Variants in VCL observed in about 807,000 individuals in gnomAD.
The protein encoded by VCL is vinculin, also known as epididymis luminal protein 114.
A neutral mutation model predicts 125.7 loss-of-function variants in VCL; 47 were observed. The ratio of observed to expected loss-of-function variants is 0.37; its 90% CI spans 0.30 to 0.48. The LOEUF is 0.48. Among genes scored for constraint, VCL ranks in the 20% least tolerant of loss-of-function variants. VCL has a pLI of 0.99. For synonymous variants in VCL, 458 were observed against 514.6 expected, an observed-to-expected ratio of 0.89 and a Z score of 1.49; for missense variants, 1,069 against 1,455.5, an observed-to-expected ratio of 0.73 and a Z score of 4.32.
At chr10:74,083,624 A>G in intron 8 of VCL, 111 bp downstream of exon 8, 6 of 1,321,044 alleles carry the variant, frequency 4.5e-6, no homozygotes, top group African/African-American at 1.5e-5. Flanking sequence ...CTAGTAGATA[A>G]CAGAGATATT....
intron 19 of VCL, among the ~76,000 whole-genome samples, chr10:74,113,578 CTTT>C (rs5786134): frequency 6.8e-6 from 1 of 146,868 alleles, no homozygotes; most frequent in Non-Finnish European, 1.5e-5. Context: ...CAGAAAATAT[CTTT>C]TTTTTTTTTT....
At position 74,042,793 on chromosome 10, in the gene VCL, A is replaced by G. The variant is rs144295868; in HGVS notation, c.169-290A>G. The stretch of plus-strand genomic sequence containing the variant: ...TTTTGGCTTAAATACACACACTTAT[A>G]TTCTCAATGATGAATTTCTCCTATT... On this transcript the variant is annotated intron_variant, in intron 1 of 21. Transcript: ENST00000211998. 0.011 allele frequency among the ~76,000 whole-genome samples: 1,671 copies of G among 152,296 alleles called. 8 individuals carry two copies. The highest frequency in any genetic ancestry group is 0.017 in the Middle Eastern group (5 of 294).
chr10:74,066,169 C>T (rs544128678), intron 2 of VCL, among the ~76,000 whole-genome samples: 1 of 134,710 alleles, frequency 7.4e-6, no homozygotes, highest in Non-Finnish European at 1.5e-5. Flanking sequence ...AAGTAATTCT[C>T]CTGCCTCAGC....
At position 74,079,892 on chromosome 10, in the gene VCL, C is replaced by T. The variant is rs74530078; in HGVS notation, c.784-2562C>T. Among the ~76,000 whole-genome samples the T allele has an allele frequency of 3.4e-4, 52 of 152,160 alleles. No individual in the cohort carries two copies. The East Asian group carries it at 7.5e-3, about 22-fold the overall frequency. ...AAAATTTTGGTAACTTATTGAAAGTCGCAGTTATTAAATGCAGCTTCATTC... is the reference window on the plus strand; with the variant it reads ...AAAATTTTGGTAACTTATTGAAAGTTGCAGTTATTAAATGCAGCTTCATTC... On this transcript the variant is annotated intron_variant, in intron 6 of 21. Coordinates refer to ENST00000211998, the MANE Select transcript of VCL (RefSeq NM_014000.3).
At chr10:74,002,649 C>T (rs1318233176) in intron 1 of VCL, among the ~76,000 whole-genome samples, 4 of 150,888 alleles carry the variant, frequency 2.7e-5, no homozygotes, top group East Asian at 3.9e-4. Flanking sequence ...TTTGGGAGGC[C>T]GAGGCGGGCT....
intron 2 of VCL, among the ~76,000 whole-genome samples, chr10:74,068,291 C>G (rs1841606084): frequency 6.6e-6 from 1 of 152,090 alleles, no homozygotes; most frequent in African/African-American, 2.4e-5. Flanking sequence ...TAGGAGGAGG[C>G]TCTTTATGTA....
At chr10:74,021,101 C>T (rs1176266024) in intron 1 of VCL, among the ~76,000 whole-genome samples, 1 of 152,060 alleles carries the variant, frequency 6.6e-6, no homozygotes, top group Non-Finnish European at 1.5e-5. Flanking sequence ...GTACTCTTCC[C>T]ACTGCCTGGA....
intron 2 of VCL, among the ~76,000 whole-genome samples, chr10:74,066,654 G>C (rs529291732): frequency 4.1e-5 from 6 of 147,698 alleles, no homozygotes; most frequent in Middle Eastern, 6.8e-3. Flanking sequence ...TAAAGTACCT[G>C]GTACTATTTT....
intron 1 of VCL, 81 bp downstream of exon 1, chr10:73,998,456 C>T (rs1247469724): frequency 3.9e-6 from 5 of 1,273,298 alleles, no homozygotes; most frequent in Non-Finnish European, 5.0e-6. Context: ...TGCCTGTGGC[C>T]GGCTCGCTGG....
chr10:74,051,022 C>T (rs190459096), intron 2 of VCL, among the ~76,000 whole-genome samples: 1 of 149,178 alleles, frequency 6.7e-6, no homozygotes, highest in Non-Finnish European at 1.5e-5. Context: ...TCATTGCAAC[C>T]TCCACCTCCC....
At chr10:74,062,886 G>C (rs370274518) in intron 2 of VCL, among the ~76,000 whole-genome samples, 1 of 152,086 alleles carries the variant, frequency 6.6e-6, no homozygotes, top group Non-Finnish European at 1.5e-5. Flanking sequence ...TGGCCATCAT[G>C]ATACCCCGTC....
At chr10:74,060,345 A>G (rs1841460557) in intron 2 of VCL, among the ~76,000 whole-genome samples, 1 of 151,936 alleles carries the variant, frequency 6.6e-6, no homozygotes, top group Non-Finnish European at 1.5e-5. Flanking sequence ...GATATAGTCT[A>G]AAAGAACCCT....
chr10:74,044,670 C>A (rs188439046), intron 2 of VCL, among the ~76,000 whole-genome samples: 1 of 152,234 alleles, frequency 6.6e-6, no homozygotes, highest in Admixed American at 6.5e-5. Flanking sequence ...GGGTATGTTC[C>A]CTAAAGATAC....
At chr10:74,109,893 C>T (rs1045856412) in intron 18 of VCL, among the ~76,000 whole-genome samples, 5 of 151,912 alleles carry the variant, frequency 3.3e-5, no homozygotes, top group Admixed American at 2.0e-4. Context: ...GACCCTAGAT[C>T]TTTTTTTTAA....
intron 6 of VCL, chr10:74,075,555 C>T (rs1839571214): frequency 6.5e-6 from 1 of 153,076 alleles, no homozygotes. Context: ...CTGCTGCTCC[C>T]TGTTTAATGA....
chr10:74,043,972 G>A (rs561642981), intron 2 of VCL, among the ~76,000 whole-genome samples: 29 of 152,038 alleles, frequency 1.9e-4, no homozygotes, highest in Non-Finnish European at 2.8e-4. Flanking sequence ...TTAGCCAGGC[G>A]TGGTGGCGGG....
At chr10:74,070,460 T>C (rs1041017161) in intron 2 of VCL, among the ~76,000 whole-genome samples, 4 of 152,194 alleles carry the variant, frequency 2.6e-5, no homozygotes, top group African/African-American at 9.7e-5. Context: ...AAACAGGGTC[T>C]CTCAAAATGC....
At chr10:74,054,261 C>T (rs569978608) in intron 2 of VCL, among the ~76,000 whole-genome samples, 2 of 152,226 alleles carry the variant, frequency 1.3e-5, no homozygotes, top group East Asian at 3.9e-4. Flanking sequence ...GTAGACCTGT[C>T]TGTTTTTCTT....
chr10:74,067,887 T>C (rs899173688), intron 2 of VCL, among the ~76,000 whole-genome samples: 3 of 152,194 alleles, frequency 2.0e-5, no homozygotes, highest in African/African-American at 2.4e-5. Context: ...ACTGAGATAA[T>C]GAAGAGTTTT....
Sources: gnomAD v4.1 joint callset for allele counts (sites outside exome capture counted in the v4.1 genomes callset) on GRCh38, gnomAD v4.1.1 for gene constraint, MANE v1.5 for transcripts, NCBI Gene and HGNC (gene_info 2026-07-23, HGNC 2026-07-21) for gene names.